TMTC4: variants seen among roughly 807,000 people sequenced by gnomAD.
The protein encoded by TMTC4 is transmembrane O-mannosyltransferase targeting cadherins 4.
Under a neutral mutation model 86.0 loss-of-function variants are expected in TMTC4, and 65 were observed. That is an observed-to-expected ratio of 0.76 (90% CI 0.62 to 0.93). The LOEUF is 0.93. Ranked by LOEUF, TMTC4 falls within the 40% of genes least tolerant of loss-of-function variation. TMTC4 has a pLI of 0.00. For synonymous variants in TMTC4, 379 were observed against 382.5 expected (o/e 0.99, Z 0.11); for missense variants, 866 against 948.1 (o/e 0.91, Z 1.14).
Position 100,617,497 on chromosome 13 carries a change from T to C in TMTC4, c.1837-3067A>G, listed in dbSNP as rs571500205. 9.8e-5 allele frequency among the ~76,000 whole-genome samples: 15 copies of C among 152,326 alleles called. No homozygotes were observed. In the South Asian group the frequency reaches 2.5e-3, roughly 25 times the overall value. ...AAATTTTTAATCTATCTTGAGTTAA[T>C]GTTTGTGTTTTGTGAAAGGTAGGGG... On this transcript the variant is annotated intron_variant, in intron 15 of 18. Coordinates refer to ENST00000342624, the MANE Select transcript of TMTC4 (RefSeq NM_032813.5).
At chr13:100,640,731 A>G (rs552178593) in intron 7 of TMTC4, among the ~76,000 whole-genome samples, 2 of 151,140 alleles carry the variant, frequency 1.3e-5, no homozygotes, top group South Asian at 4.2e-4. Flanking sequence ...CTGAGGTGGG[A>G]GGATCGTTGA....
intron 16 of TMTC4, 144 bp from the exon 17 acceptor site, chr13:100,612,654 TACACACACACACACACACAC>T (rs60782137): frequency 3.1e-5 from 14 of 449,118 alleles, no homozygotes; most frequent in East Asian, 4.5e-5. Flanking sequence ...GATCATGTAA[TACACACACACACACACACAC>T]ACACACACAC....
At chr13:100,628,757 A>C (rs1302239909) in intron 12 of TMTC4, among the ~76,000 whole-genome samples, 2 of 152,216 alleles carry the variant, frequency 1.3e-5, no homozygotes, top group Non-Finnish European at 2.9e-5. Flanking sequence ...TAGTTTCTCA[A>C]CTAAACATGG....
chr13:100,618,965 C>A (rs563741948), intron 15 of TMTC4, among the ~76,000 whole-genome samples: 36 of 152,222 alleles, frequency 2.4e-4, no homozygotes, highest in African/African-American at 8.4e-4. Context: ...TCCACAAAAC[C>A]GCCATTGTCA....
chr13:100,638,208 A>G (rs1882534806), intron 7 of TMTC4, 186 bp from the exon 8 acceptor site: 1 of 518,456 alleles, frequency 1.9e-6, no homozygotes, highest in African/African-American at 1.9e-5. Flanking sequence ...AGCTCAAGGT[A>G]ATAGATCATA....
intron 15 of TMTC4, among the ~76,000 whole-genome samples, chr13:100,617,565 C>A (rs1566567966): frequency 6.6e-6 from 1 of 152,168 alleles, no homozygotes; most frequent in Non-Finnish European, 1.5e-5. Flanking sequence ...GCTATCCCAG[C>A]ACGATTTATT....
At chr13:100,640,049 AG>A (rs1207946498) in intron 7 of TMTC4, among the ~76,000 whole-genome samples, 1 of 151,934 alleles carries the variant, frequency 6.6e-6, no homozygotes, top group Non-Finnish European at 1.5e-5. Context: ...AGGCCTGGGG[AG>A]GGGGTGGGGC....
intron 9 of TMTC4, among the ~76,000 whole-genome samples, chr13:100,637,179 T>C (rs1206842437): frequency 6.6e-6 from 1 of 152,140 alleles, no homozygotes; most frequent in African/African-American, 2.4e-5. Context: ...AAGAATAGTC[T>C]TGACACCACT....
intron 7 of TMTC4, among the ~76,000 whole-genome samples, chr13:100,639,689 C>T (rs1882762532): frequency 6.6e-6 from 1 of 152,164 alleles, no homozygotes; most frequent in African/African-American, 2.4e-5. Flanking sequence ...CCTGTAATCC[C>T]AGCACTTTGG....
rs2138883830 is a variant in TMTC4, at chr13:100,637,687, TGAGCATGCC to T, written c.841_849del (p.Gly281_Leu283del). The T allele has an allele frequency of 6.2e-7, 1 of 1,613,878 alleles. No homozygotes were observed. The highest frequency in any genetic ancestry group is 2.2e-5 in the East Asian group (1 of 44,878). On this transcript the variant is annotated inframe_deletion, in exon 9 of 19. Transcript: ENST00000342624. ...ATTCTGAAGAGGAGGCCCCCGTTCC[TGAGCATGCC>T]GAGATTCTGCAAGGACATCGCAAAG...
In TMTC4 at chr13:100,613,840, C is replaced by CG. The variant is rs1164649496; in HGVS notation, c.1951+475_1951+476insC. Among the ~76,000 whole-genome samples, 45 of 104,336 alleles carry CG rather than the reference C, an allele frequency of 4.3e-4. No individual in the cohort carries two copies. In the Middle Eastern group the frequency reaches 0.018, roughly 41 times the overall value. 68.4% of individuals were successfully genotyped at this position (104,336 alleles called of 152,430 possible). ...TCCCTCCCCCTCTCCCCCCTACCCG[C>CG]CCCCCCCTTTTTTTTTGAGATGGCG... is the stretch of plus-strand genomic sequence containing the variant. On this transcript the variant is annotated intron_variant, in intron 16 of 18. Coordinates refer to ENST00000342624, the MANE Select transcript of TMTC4 (RefSeq NM_032813.5).
intron 3 of TMTC4, chr13:100,666,103 G>T (rs185216605): frequency 4.4e-6 from 2 of 453,164 alleles, no homozygotes; most frequent in Non-Finnish European, 8.9e-6. Context: ...CCACAGCAGG[G>T]TGTGCTACAG....
intron 12 of TMTC4, among the ~76,000 whole-genome samples, chr13:100,633,666 A>G (rs1009079626): frequency 2.0e-5 from 3 of 152,258 alleles, no homozygotes; most frequent in Non-Finnish European, 4.4e-5. Context: ...TCATTGTTTG[A>G]ACATCATAAG....
At chr13:100,645,502 G>C (rs1883602050) in intron 6 of TMTC4, among the ~76,000 whole-genome samples, 1 of 152,024 alleles carries the variant, frequency 6.6e-6, no homozygotes, top group Non-Finnish European at 1.5e-5. Flanking sequence ...TGAGCCCTCT[G>C]TGAGCAGGTA....
Position 100,635,085 on chromosome 13 carries a change from A to T in TMTC4, c.1313T>A (p.Val438Asp). The change falls in exon 11 of 19, where the codon GTT becomes GAT. Residue 438 changes from valine to aspartate, a missense_variant. By Grantham distance (152) the Val-to-Asp change is radical. Transcript: ENST00000342624. ...AAAAGTCAGCAGCACACAGTACCCA[A>T]CGCTGGGGAGGTAGAGGACACGCTC... Reference protein sequence around the residue: ...VAERVLYLPSVGYCVLLTFGF... With the variant: ...VAERVLYLPSDGYCVLLTFGF... 1 of 1,614,096 alleles carries T rather than the reference A, an allele frequency of 6.2e-7. No individual in the cohort carries two copies. The highest frequency in any genetic ancestry group is 8.5e-7 in the Non-Finnish European group (1 of 1,180,004).
intron 1 of TMTC4, among the ~76,000 whole-genome samples, chr13:100,671,456 A>G (rs1887091186): frequency 6.6e-6 from 1 of 152,180 alleles, no homozygotes; most frequent in African/African-American, 2.4e-5. Context: ...GTTCTAAGCA[A>G]TATGTTCTAA....
intron 1 of TMTC4, chr13:100,673,239 C>T: frequency 1.2e-6 from 1 of 858,162 alleles, no homozygotes; most frequent in Non-Finnish European, 1.4e-6. Context: ...TGTCATCCAG[C>T]TGTGAACCAT....
At chr13:100,668,853 G>T in intron 2 of TMTC4, 59 bp from the exon 3 acceptor site, 1 of 1,515,364 alleles carries the variant, frequency 6.6e-7, no homozygotes, top group Non-Finnish European at 9.1e-7. Context: ...CGTTTCTGCA[G>T]TGGGCACCGT....
At chr13:100,646,781 T>C (rs963202440) in intron 6 of TMTC4, among the ~76,000 whole-genome samples, 6 of 152,212 alleles carry the variant, frequency 3.9e-5, no homozygotes, top group African/African-American at 1.4e-4. Context: ...ATGTATCTAA[T>C]GTCAAAAGAT....
Sources: allele counts gnomAD v4.1 joint callset (sites outside exome capture counted in the v4.1 genomes callset), GRCh38; gene constraint gnomAD v4.1.1; transcripts MANE v1.5; gene names NCBI Gene and HGNC (gene_info 2026-07-23, HGNC 2026-07-21).